ECPAS: variants seen among roughly 807,000 people sequenced by gnomAD.
ECPAS encodes the protein proteasome adapter and scaffold protein ECM29.
Under a neutral mutation model 255.1 loss-of-function variants are expected in ECPAS, and 70 were observed. The ratio of observed to expected loss-of-function variants is 0.27; its 90% confidence interval spans 0.23 to 0.33. The LOEUF (loss-of-function observed/expected upper bound fraction) is 0.33. Among genes scored for constraint, ECPAS ranks in the 10% least tolerant of loss-of-function variants. ECPAS has a pLI of 1.00. For missense variants in ECPAS, 1,817 were observed against 2,206.4 expected (o/e 0.82, Z 3.54); for synonymous variants, 784 against 775.0 (o/e 1.01, Z -0.19).
chr9:111,420,190 A>G, intron 15 of ECPAS, 70 bp from the exon 16 acceptor site: 1 of 991,320 alleles, frequency 1.0e-6, no homozygotes, highest in Non-Finnish European at 1.6e-6. Flanking sequence ...ATTACCAGCC[A>G]TTCATTCCAA....
chr9:111,467,758 C>T (rs1417151982), intron 2 of ECPAS, among the ~76,000 whole-genome samples: 1 of 152,138 alleles, frequency 6.6e-6, no homozygotes, highest in Non-Finnish European at 1.5e-5. Flanking sequence ...TCTTCTGATT[C>T]ACAGATATAA....
chr9:111,382,615 T>A (rs2098142143), intron 35 of ECPAS, among the ~76,000 whole-genome samples: 1 of 151,636 alleles, frequency 6.6e-6, no homozygotes. Context: ...GTTAGGTGAG[T>A]CCTTCTAAAA....
At chr9:111,444,856 G>A (rs993442910) in intron 3 of ECPAS, among the ~76,000 whole-genome samples, 18 of 151,162 alleles carry the variant, frequency 1.2e-4, no homozygotes, top group Non-Finnish European at 1.5e-4. Flanking sequence ...GATTACAGGC[G>A]CGTGCCAGCA....
intron 34 of ECPAS, 141 bp from the exon 35 acceptor site, chr9:111,383,473 G>C: frequency 1.7e-6 from 2 of 1,177,730 alleles, no homozygotes; most frequent in Non-Finnish European, 2.3e-6. Context: ...GAGACACAGA[G>C]GAATGAGATC....
chr9:111,482,949 AC>A (rs2098308631), intron 1 of ECPAS, among the ~76,000 whole-genome samples: 1 of 151,850 alleles, frequency 6.6e-6, no homozygotes, highest in South Asian at 2.1e-4. Flanking sequence ...AAGCGCTGTC[AC>A]CCCGTGGTTT....
intron 35 of ECPAS, among the ~76,000 whole-genome samples, chr9:111,379,320 A>G (rs951156027): frequency 6.6e-6 from 1 of 152,246 alleles, no homozygotes; most frequent in Non-Finnish European, 1.5e-5. Context: ...CAGTGCATAT[A>G]GAAGTTTTGT....
At chr9:111,450,614 G>A (rs2098259113) in intron 3 of ECPAS, among the ~76,000 whole-genome samples, 1 of 152,158 alleles carries the variant, frequency 6.6e-6, no homozygotes, top group Admixed American at 6.6e-5. Flanking sequence ...AATGTTCCAT[G>A]TAGAACAGTT....
Position 111,390,236 on chromosome 9 carries a change from G to C in ECPAS, c.3162-135C>G, listed in dbSNP as rs2098157416. 7.4e-6 allele frequency: 4 copies of C among 537,114 alleles called. No individual in the cohort carries two copies. In the African/African-American group the frequency reaches 7.5e-5, roughly 10 times the overall value. The allele number at this position is 537,114 out of a possible 1,614,324, so 33.3% of individuals were successfully genotyped here. On this transcript the variant is annotated intron_variant, in intron 29 of 49. Coordinates refer to ENST00000684092, the MANE Select transcript of ECPAS (RefSeq NM_001364929.1). The stretch of plus-strand genomic sequence containing the variant: ...TTTCTAATACTGAGTTATCACCATG[G>C]AGACAGAACACAAGTTAGTAAGAAT...
chr9:111,378,622 T>A lies in ECPAS; in HGVS notation c.3912A>T (p.Gln1304His), dbSNP rs751711973. 6.2e-7 allele frequency: 1 copy of A among 1,613,770 alleles called. No homozygotes were observed. Residue 1304 changes from glutamine to histidine, a missense_variant, in exon 36 of 50, where the codon CAA becomes CAT. Gln to His is a conservative substitution (Grantham distance 24). Coordinates refer to ENST00000684092, the MANE Select transcript of ECPAS (RefSeq NM_001364929.1). ...CCCGGAGGCTCAAATAATTGAGAAC[T>A]TGGGGCTCCAATACACTTAAGGACT... ...LLESLSVLEP[Q>H]VLNYLSLRAT...
At chr9:111,467,218 A>T (rs919485085) in intron 2 of ECPAS, among the ~76,000 whole-genome samples, 3 of 152,148 alleles carry the variant, frequency 2.0e-5, no homozygotes, top group African/African-American at 4.8e-5. Context: ...AAAGAAGAGA[A>T]GAGATGAGAA....
At chr9:111,378,277 C>T (rs1411033137) in intron 36 of ECPAS, among the ~76,000 whole-genome samples, 2 of 152,088 alleles carry the variant, frequency 1.3e-5, no homozygotes, top group South Asian at 2.1e-4. Context: ...GCTTACAGGG[C>T]GAGGGAGCCC....
rs758449563 is a variant in ECPAS at position 111,360,921 on chromosome 9, T to G, written c.*1109A>C. 6.6e-6 allele frequency: 1 copy of G among 151,966 alleles called. No individual in the cohort carries two copies. The highest frequency in any genetic ancestry group is 1.5e-5 in the Non-Finnish European group (1 of 67,966). 9.4% of individuals were successfully genotyped at this position (151,966 alleles called of 1,614,324 possible). ...TCTCAGTTTACCATCAACACTAAGG[T>G]TTTACTTGTTTTTCCTCTTACCCTA... is the stretch of plus-strand genomic sequence containing the variant. On this transcript the variant is annotated 3_prime_UTR_variant, in exon 50 of 50. Coordinates refer to ENST00000684092, the MANE Select transcript of ECPAS (RefSeq NM_001364929.1).
Position 111,386,469 on chromosome 9 carries a change from A to C in ECPAS, c.3448-13T>G. 1 of 1,478,876 alleles carries C rather than the reference A, an allele frequency of 6.8e-7. No individual in the cohort carries two copies. The allele number at this position is 1,478,876 out of a possible 1,614,324, so 91.6% of individuals were successfully genotyped here. A position where few individuals can be genotyped will look rare whatever the true frequency, so the allele number is the denominator to read the frequency against. On this transcript the variant is annotated splice_polypyrimidine_tract_variant and intron_variant, in intron 31 of 49. Transcript: ENST00000684092. ...AATATTTATCCACCTAATGAAAGCA[A>C]AAGGATAAAATTTAAAATGCAAAAT... is the stretch of plus-strand genomic sequence containing the variant.
chr9:111,387,964 A>C (rs911468216), intron 31 of ECPAS, among the ~76,000 whole-genome samples: 7 of 152,224 alleles, frequency 4.6e-5, no homozygotes, highest in Non-Finnish European at 4.4e-5. Context: ...CCAGTACCTT[A>C]CCCAGTGCCT....
At position 111,468,689 on chromosome 9, in the gene ECPAS, C is replaced by CGTGTGTGTGTGTGTGTGTGTGTGT. The variant is rs141517725; in HGVS notation, c.22+4207_22+4208insACACACACACACACACACACACAC. ...TGTGTGTTTCATGTCCAAGCTCAAA[C>CGTGTGTGTGTGTGTGTGTGTGTGT]GTGTGTGTGTGTGTGTTTCACGTCC... is the stretch of plus-strand genomic sequence containing the variant. On this transcript the variant is annotated intron_variant, in intron 2 of 49. Coordinates refer to ENST00000684092, the MANE Select transcript of ECPAS (RefSeq NM_001364929.1). 1.7e-3 allele frequency among the ~76,000 whole-genome samples: 253 copies of CGTGTGTGTGTGTGTGTGTGTGTGT among 150,008 alleles called. 2 individuals are homozygous for CGTGTGTGTGTGTGTGTGTGTGTGT. Among genetic ancestry groups the CGTGTGTGTGTGTGTGTGTGTGTGT allele is most frequent in the African/African-American group, 5.0e-3 (206 of 40,996 alleles).
At chr9:111,385,131 C>T (rs2098146065) in intron 33 of ECPAS, among the ~76,000 whole-genome samples, 1 of 151,840 alleles carries the variant, frequency 6.6e-6, no homozygotes, top group African/African-American at 2.4e-5. Context: ...ATACAGCCAC[C>T]TTTTTTTTCC....
At chr9:111,362,207 AAAAC>A in intron 49 of ECPAS, 38 bp from the exon 50 acceptor site, 1 of 1,508,110 alleles carries the variant, frequency 6.6e-7, no homozygotes, top group Non-Finnish European at 8.9e-7. Flanking sequence ...AAAAAAACAA[AAAAC>A]AAAGCAAAAA....
chr9:111,396,950 T>G, intron 25 of ECPAS, 80 bp downstream of exon 25: 1 of 1,532,384 alleles, frequency 6.5e-7, no homozygotes, highest in African/African-American at 1.4e-5. Flanking sequence ...GAATGTGTAA[T>G]GTTTTTGCCT....
In ECPAS at chr9:111,391,908, T is replaced by A. The variant is rs1019430843; in HGVS notation, c.3093-84A>T. The A allele has an allele frequency of 9.7e-6, 9 of 926,438 alleles. No individual in the cohort carries two copies. The African/African-American group carries it at 1.5e-4, about 15-fold the overall frequency. 57.4% of individuals were successfully genotyped at this position (926,438 alleles called of 1,614,324 possible). A position where few individuals can be genotyped will look rare whatever the true frequency, so the allele number is the denominator to read the frequency against. On this transcript the variant is annotated intron_variant, in intron 28 of 49. Coordinates refer to ENST00000684092, the MANE Select transcript of ECPAS (RefSeq NM_001364929.1). ...CCAATACGATTCATTTACAAAGTGA[T>A]AAAACTTCCTATCAAGCATTTACTG...
Sources: allele counts gnomAD v4.1 joint callset (sites outside exome capture counted in the v4.1 genomes callset), GRCh38; gene constraint gnomAD v4.1.1; transcripts MANE v1.5; gene names NCBI Gene and HGNC (gene_info 2026-07-23, HGNC 2026-07-21).